ATP5F1A: variants seen among roughly 807,000 people sequenced by gnomAD.
The protein encoded by ATP5F1A is ATP synthase F(1) complex subunit alpha, mitochondrial.
ATP5F1A carries 24 observed loss-of-function variants against 57.4 expected under a neutral mutation model. The observed-to-expected ratio is 0.42, with a 90% CI of 0.30 to 0.59. The LOEUF is 0.59. Among genes scored for constraint, ATP5F1A ranks in the 20% least tolerant of loss-of-function variants. The pLI is 0.19. For missense variants in ATP5F1A, 494 were observed against 707.9 expected, an observed-to-expected ratio of 0.70 and a Z score of 3.43; for synonymous variants, 251 against 255.5, an observed-to-expected ratio of 0.98 and a Z score of 0.17.
chr18:46,091,560 A>G, intron 3 of ATP5F1A, 122 bp downstream of exon 3: 1 of 1,114,588 alleles, frequency 9.0e-7, no homozygotes, highest in Non-Finnish European at 1.2e-6. Context: ...TAATAACAAG[A>G]AAAAAATCTG....
intron 3 of ATP5F1A, among the ~76,000 whole-genome samples, chr18:46,090,720 CAT>C (rs1350288301): frequency 6.6e-6 from 1 of 152,198 alleles, no homozygotes; most frequent in African/African-American, 2.4e-5. Context: ...CCACTAACCA[CAT>C]GTGGCTATTT....
upstream of ATP5F1A, among the ~76,000 whole-genome samples, chr18:46,102,105 C>T (rs1194830852): frequency 8.0e-5 from 12 of 149,480 alleles, no homozygotes; most frequent in South Asian, 8.4e-4. Context: ...ACCCGGGAGG[C>T]GGAGCTTGCA....
chr18:46,101,175 C>G (rs1466942680), upstream of ATP5F1A, among the ~76,000 whole-genome samples: 3 of 152,038 alleles, frequency 2.0e-5, no homozygotes, highest in African/African-American at 4.8e-5. Flanking sequence ...GCCCTGAGTG[C>G]TTTTTTTTCC....
rs781283368 is a variant in ATP5F1A, at chr18:46,084,278, G to C, written c.*4C>G. ...ACTGGTATTTGATGTGAATCCACAG[G>C]AGTTTAAGCTTCAAATCCAGCCAAG... On this transcript the variant is annotated 3_prime_UTR_variant, in exon 12 of 12. Coordinates refer to ENST00000398752, the MANE Select transcript of ATP5F1A (RefSeq NM_004046.6). 2 of 1,609,188 alleles carry C rather than the reference G, an allele frequency of 1.2e-6. No homozygotes were observed. The highest frequency in any genetic ancestry group is 2.2e-5 in the East Asian group (1 of 44,840).
rs1909760220 is a variant in ATP5F1A, at chr18:46,081,688, A to AAAAAAAAAAC, written c.*2584_*2593dup. On this transcript the variant is annotated 3_prime_UTR_variant, in exon 12 of 12. Transcript: ENST00000398752. ...AAAAAAAAAACAAAAAAAAAAAAAAAAAAAAAAAACGAAATGTGCAGAACC... is the reference window on the plus strand; with the variant it reads ...AAAAAAAAAACAAAAAAAAAAAAAAAAAAAAAAAACAAAAAAAAACGAAATGTGCAGAACC... 1 of 145,380 alleles carries AAAAAAAAAAC rather than the reference A, an allele frequency of 6.9e-6. No homozygotes were observed. Among genetic ancestry groups the AAAAAAAAAAC allele is most frequent in the African/African-American group, 2.6e-5 (1 of 38,600 alleles). The allele number at this position is 145,380 out of a possible 1,614,324, so 9.0% of individuals were successfully genotyped here. A position where few individuals can be genotyped will look rare whatever the true frequency, so the allele number is the denominator to read the frequency against.
Position 46,084,614 on chromosome 18 carries a change from C to G in ATP5F1A, c.1470G>C (p.Ala490=). The change falls in exon 11 of 12, where the codon GCG becomes GCC. Residue 490 remains alanine (A), a synonymous_variant. Coordinates refer to ENST00000398752, the MANE Select transcript of ATP5F1A (RefSeq NM_004046.6). The part of the protein sequence containing the change: ...AIEEQVAVIY[A]GVRGYLDKLE... ...GTTTATCAAGATATCCCCTTACACC[C>G]GCATAGATAACAGCCACTTGTTCTT... The G allele has an allele frequency of 6.2e-7, 1 of 1,600,850 alleles. No individual in the cohort carries two copies. The highest frequency in any genetic ancestry group is 8.5e-7 in the Non-Finnish European group (1 of 1,176,708).
chr18:46,103,396 T>A (rs1945702508), intron 1 of ATP5F1A, among the ~76,000 whole-genome samples: 1 of 145,426 alleles, frequency 6.9e-6, no homozygotes, highest in African/African-American at 2.6e-5. Flanking sequence ...AAGTCAGGAG[T>A]TCGAGACCAA....
rs1004570845 is a variant in ATP5F1A at position 46,084,118 on chromosome 18, A to C, written c.*164T>G. 7.2e-6 allele frequency: 4 copies of C among 554,884 alleles called. No homozygotes were observed. The African/African-American group carries it at 7.8e-5, about 11-fold the overall frequency. 34.4% of individuals were successfully genotyped at this position (554,884 alleles called of 1,614,324 possible). On this transcript the variant is annotated 3_prime_UTR_variant, in exon 12 of 12. Coordinates refer to ENST00000398752, the MANE Select transcript of ATP5F1A (RefSeq NM_004046.6). ...AATTTCTCAATTTGATCTTGGTTTT[A>C]AAGAATAACACAAATGACAGAAAAC...
intron 3 of ATP5F1A, among the ~76,000 whole-genome samples, chr18:46,091,451 T>A (rs1177755698): frequency 6.6e-6 from 1 of 152,214 alleles, no homozygotes; most frequent in Non-Finnish European, 1.5e-5. Flanking sequence ...AATTTTATAT[T>A]TTGGAGCCAG....
upstream of ATP5F1A, among the ~76,000 whole-genome samples, chr18:46,101,984 C>T (rs1199484118): frequency 6.6e-6 from 1 of 151,866 alleles, no homozygotes; most frequent in Non-Finnish European, 1.5e-5. Context: ...ACCATCCTGG[C>T]TAACATGGTG....
upstream of ATP5F1A, among the ~76,000 whole-genome samples, chr18:46,098,561 TCTG>T (rs373441937): frequency 1.3e-4 from 20 of 152,160 alleles, no homozygotes; most frequent in African/African-American, 4.6e-4. Context: ...GGTAGCTGAA[TCTG>T]CTAAGCAGCA....
At chr18:46,085,606 G>C (rs905666067) in intron 10 of ATP5F1A, 2 of 156,026 alleles carry the variant, frequency 1.3e-5, no homozygotes, top group African/African-American at 4.9e-5. Context: ...TCCAGCCTGG[G>C]TGACACTGCA....
upstream of ATP5F1A, among the ~76,000 whole-genome samples, chr18:46,100,251 TAAA>T (rs34683117): frequency 0.029 from 1,963 of 68,670 alleles, 62 homozygotes; most frequent in African/African-American, 0.098. Flanking sequence ...AAACTCCATC[TAAA>T]AAAAAAAAAA....
intron 1 of ATP5F1A, chr18:46,104,045 T>A (rs1262677641): frequency 8.8e-6 from 2 of 228,372 alleles, no homozygotes; most frequent in African/African-American, 4.5e-5. Flanking sequence ...AACACAAACA[T>A]CTTGCTAAGC....
chr18:46,093,830 C>T (rs924669195), intron 2 of ATP5F1A, among the ~76,000 whole-genome samples: 15 of 150,742 alleles, frequency 1.0e-4, no homozygotes, highest in African/African-American at 2.4e-4. Flanking sequence ...AAGGAGGCCA[C>T]GCACAGTGCC....
chr18:46,101,341 G>C (rs928414096), upstream of ATP5F1A, among the ~76,000 whole-genome samples: 4 of 151,924 alleles, frequency 2.6e-5, no homozygotes, highest in Non-Finnish European at 5.9e-5. Flanking sequence ...AAGGCAGGCA[G>C]ATCGCCTGAG....
chr18:46,101,892 A>AAT (rs398041361), upstream of ATP5F1A, among the ~76,000 whole-genome samples: 1 of 142,774 alleles, frequency 7.0e-6, no homozygotes. Flanking sequence ...AAAAAAAAAA[A>AAT]GGCCGGGCAT....
upstream of ATP5F1A, among the ~76,000 whole-genome samples, chr18:46,101,893 G>A (rs1195790080): frequency 7.3e-6 from 1 of 137,696 alleles, no homozygotes; most frequent in African/African-American, 2.9e-5. Flanking sequence ...AAAAAAAAAA[G>A]GCCGGGCATG....
At chr18:46,094,188 TATACACACACACTCTCACACAC>T (rs1910775509) in intron 2 of ATP5F1A, among the ~76,000 whole-genome samples, 1 of 125,896 alleles carries the variant, frequency 7.9e-6, no homozygotes, top group Non-Finnish European at 1.7e-5. Context: ...CACACACACA[TATACACACACACTCTCACACAC>T]ATATATATTT....
Sources: gnomAD v4.1 joint callset for allele counts (sites outside exome capture counted in the v4.1 genomes callset) on GRCh38, gnomAD v4.1.1 for gene constraint, MANE v1.5 for transcripts, NCBI Gene and HGNC (gene_info 2026-07-23, HGNC 2026-07-21) for gene names.